KIRREL3: variants seen among roughly 807,000 people sequenced by gnomAD.
KIRREL3 encodes the protein kirre like nephrin family adhesion molecule 3.
A neutral mutation model predicts 89.7 loss-of-function variants in KIRREL3; 36 were observed. The observed-to-expected ratio is 0.40, with a 90% CI of 0.31 to 0.53. KIRREL3 has a LOEUF of 0.53. Among genes scored for constraint, KIRREL3 ranks in the 20% least tolerant of loss-of-function variants. The pLI is 0.49. For synonymous variants in KIRREL3, 445 were observed against 441.4 expected (o/e 1.01, Z -0.10); for missense variants, 864 against 1,056.6 (o/e 0.82, Z 2.53).
At chr11:126,784,413 T>A (rs2134338123) in intron 1 of KIRREL3, among the ~76,000 whole-genome samples, 1 of 152,296 alleles carries the variant, frequency 6.6e-6, no homozygotes, top group Admixed American at 6.5e-5. Flanking sequence ...AAAAGGGCAC[T>A]GCTAGAATAA....
chr11:126,636,904 T>A lies in KIRREL3; in HGVS notation c.56-73992A>T, dbSNP rs996580873. On this transcript the variant is annotated intron_variant, in intron 1 of 16. Transcript: ENST00000525144. The surrounding 1 kb of genome is among the most constrained non-coding windows in gnomAD (Gnocchi z 4.4). ...ACATCAATACAATGAAAGTAACACCTATATCATGGCATTACTGGAAGATAA... is the reference window on the plus strand; with the variant it reads ...ACATCAATACAATGAAAGTAACACCAATATCATGGCATTACTGGAAGATAA... Among the ~76,000 whole-genome samples the A allele has an allele frequency of 6.6e-5, 10 of 152,202 alleles. No individual in the cohort carries two copies. The highest frequency in any genetic ancestry group is 1.2e-4 in the Non-Finnish European group (8 of 68,032).
chr11:126,698,091 G>A (rs150807130), intron 1 of KIRREL3, among the ~76,000 whole-genome samples: 76 of 152,320 alleles, frequency 5.0e-4, no homozygotes, highest in Non-Finnish European at 8.4e-4. Flanking sequence ...TAAATGGAGC[G>A]CAGATGGGAG....
At chr11:126,880,566 CA>C (rs1164666172) in intron 1 of KIRREL3, among the ~76,000 whole-genome samples, 2 of 151,480 alleles carry the variant, frequency 1.3e-5, no homozygotes, top group Non-Finnish European at 2.9e-5. Context: ...AATATAAGAG[CA>C]AAAGGCCCTT....
In KIRREL3 at chr11:126,521,382, A is replaced by G. The variant is rs1312478045; in HGVS notation, c.366T>C (p.Asp122=). The G allele has an allele frequency of 1.3e-6, 2 of 1,563,178 alleles. No homozygotes were observed. Among genetic ancestry groups the G allele is most frequent in the African/African-American group, 1.4e-5 (1 of 73,628 alleles). ...GGATGGCCTGGCACTCGTACACCGC[A>G]TCGTCTTGCAGCTCTGCCCTCAGGA... ...LKILRAELQD[D]AVYECQAIQA... The change falls in exon 4 of 17, where the codon GAT becomes GAC. Residue 122 remains aspartate (D), a synonymous_variant. Coordinates refer to ENST00000525144, the MANE Select transcript of KIRREL3 (RefSeq NM_032531.4). The surrounding 1 kb of genome is among the most constrained non-coding windows in gnomAD (Gnocchi z 4.1).
chr11:126,902,159 C>T (rs1946398752), intron 1 of KIRREL3, among the ~76,000 whole-genome samples: 1 of 152,190 alleles, frequency 6.6e-6, no homozygotes, highest in African/African-American at 2.4e-5. Flanking sequence ...CATCCTGGAA[C>T]ATGCACAGGG....
chr11:126,661,253 C>T (rs572235004), intron 1 of KIRREL3, among the ~76,000 whole-genome samples: 3 of 138,432 alleles, frequency 2.2e-5, no homozygotes, highest in African/African-American at 8.1e-5. Context: ...GGTCATGCCT[C>T]ATGTGAGTTT....
At chr11:126,504,619 A>G (rs1164424805) in intron 4 of KIRREL3, among the ~76,000 whole-genome samples, 7 of 152,228 alleles carry the variant, frequency 4.6e-5, no homozygotes, top group Non-Finnish European at 8.8e-5. Flanking sequence ...GAAATCTTCT[A>G]GAAAATAGAG....
rs892066585 is a variant in KIRREL3, at chr11:126,931,648, C to T, written c.55+68807G>A. 6.6e-6 allele frequency among the ~76,000 whole-genome samples: 1 copy of T among 152,170 alleles called. No individual in the cohort carries two copies. The highest frequency in any genetic ancestry group is 1.5e-5 in the Non-Finnish European group (1 of 68,036). On this transcript the variant is annotated intron_variant, in intron 1 of 16. Transcript: ENST00000525144. This position sits in a 1 kb window ranked among gnomAD's most constrained non-coding sequence, Gnocchi z 5.1. ...AATGAGGATTCCAAGTCCTAGTTGTCTAAATAATTTAAATATGGAATAGTG... is the reference window on the plus strand; with the variant it reads ...AATGAGGATTCCAAGTCCTAGTTGTTTAAATAATTTAAATATGGAATAGTG...
At position 126,729,558 on chromosome 11, in the gene KIRREL3, C is replaced by T. The variant is rs1948528949; in HGVS notation, c.56-166646G>A. Among the ~76,000 whole-genome samples, 1 of 152,136 alleles carries T rather than the reference C, an allele frequency of 6.6e-6. No individual in the cohort carries two copies. The highest frequency in any genetic ancestry group is 2.1e-4 in the South Asian group (1 of 4,820). ...ACCTGCAATATGCCAGGGTACTGTC[C>T]CTGTAAACAATGAGGCTGGAAGGCA... On this transcript the variant is annotated intron_variant, in intron 1 of 16. Transcript: ENST00000525144. The surrounding 1 kb of genome is among the most constrained non-coding windows in gnomAD (Gnocchi z 4.5).
At chr11:126,757,902 T>C (rs1434457507) in intron 1 of KIRREL3, among the ~76,000 whole-genome samples, 1 of 152,156 alleles carries the variant, frequency 6.6e-6, no homozygotes, top group Non-Finnish European at 1.5e-5. Flanking sequence ...CAAAGGGAGC[T>C]GTCTCTAAAA....
At position 127,000,280 on chromosome 11, in the gene KIRREL3, C is replaced by T. The variant is rs1950284388; in HGVS notation, c.55+175G>A. 6.6e-6 allele frequency among the ~76,000 whole-genome samples: 1 copy of T among 152,156 alleles called. No individual in the cohort carries two copies. The highest frequency in any genetic ancestry group is 2.1e-4 in the South Asian group (1 of 4,826). ...CTTTCCAAAGGAAAATAAACAGTAC[C>T]ATTTTGTTGCATTCGCAAAGGCGAA... On this transcript the variant is annotated intron_variant, in intron 1 of 16. Transcript: ENST00000525144. The surrounding 1 kb of genome is among the most constrained non-coding windows in gnomAD (Gnocchi z 7.1).
chr11:126,809,040 G>T (rs1951294910), intron 1 of KIRREL3, among the ~76,000 whole-genome samples: 1 of 152,172 alleles, frequency 6.6e-6, no homozygotes, highest in Non-Finnish European at 1.5e-5. Flanking sequence ...CAAGGAGCCA[G>T]CCCTTGTGTA....
chr11:126,920,751 T>C (rs1565418360), intron 1 of KIRREL3, among the ~76,000 whole-genome samples: 1 of 152,188 alleles, frequency 6.6e-6, no homozygotes, highest in Non-Finnish European at 1.5e-5. Context: ...CCATGGTCCA[T>C]CACTTCAACC....
In KIRREL3 at chr11:126,703,498, T is replaced by A. The variant is rs1393960902; in HGVS notation, c.56-140586A>T. On this transcript the variant is annotated intron_variant, in intron 1 of 16. Coordinates refer to ENST00000525144, the MANE Select transcript of KIRREL3 (RefSeq NM_032531.4). This position sits in a 1 kb window ranked among gnomAD's most constrained non-coding sequence, Gnocchi z 4.6. Reference sequence around the variant, plus strand: ...CCACCCTATATCAGGTAAGTACTGTTATATCTCATCCCCATTTTATAAGTG... The same window carrying A: ...CCACCCTATATCAGGTAAGTACTGTAATATCTCATCCCCATTTTATAAGTG... Among the ~76,000 whole-genome samples the A allele has an allele frequency of 1.3e-5, 2 of 152,238 alleles. No homozygotes were observed. Among genetic ancestry groups the A allele is most frequent in the East Asian group, 3.8e-4 (2 of 5,200 alleles).
rs183355142 is a variant in KIRREL3 at position 126,860,266 on chromosome 11, T to G, written c.55+140189A>C. ...CACCACACTGTGAGCTCCCAGAGGG[T>G]AGGAACTGACACTTAAATGTGTAAT... On this transcript the variant is annotated intron_variant, in intron 1 of 16. Coordinates refer to ENST00000525144, the MANE Select transcript of KIRREL3 (RefSeq NM_032531.4). This position sits in a 1 kb window ranked among gnomAD's most constrained non-coding sequence, Gnocchi z 4.6. Among the ~76,000 whole-genome samples, 261 of 152,184 alleles carry G rather than the reference T, an allele frequency of 1.7e-3. 1 individual carries two copies. In the Middle Eastern group the frequency reaches 0.034, roughly 20 times the overall value.
rs1181178810 is a variant in KIRREL3 at position 126,641,045 on chromosome 11, C to G, written c.56-78133G>C. The stretch of plus-strand genomic sequence containing the variant: ...CAAATTTCACATGCTCCGAAAAGAA[C>G]TCCTGGTCTTCTCCCACAGGCCTGC... On this transcript the variant is annotated intron_variant, in intron 1 of 16. Transcript: ENST00000525144. This position sits in a 1 kb window ranked among gnomAD's most constrained non-coding sequence, Gnocchi z 5.0. Among the ~76,000 whole-genome samples the G allele has an allele frequency of 6.6e-6, 1 of 152,176 alleles. No homozygotes were observed. Among genetic ancestry groups the G allele is most frequent in the Non-Finnish European group, 1.5e-5 (1 of 68,026 alleles).
chr11:126,706,872 C>A (rs1947548980), intron 1 of KIRREL3, among the ~76,000 whole-genome samples: 1 of 151,318 alleles, frequency 6.6e-6, no homozygotes, highest in Non-Finnish European at 1.5e-5. Context: ...TCTTAGATGA[C>A]AAATGAAAGA....
intron 1 of KIRREL3, among the ~76,000 whole-genome samples, chr11:126,950,149 G>A (rs192353226): frequency 1.3e-5 from 2 of 152,256 alleles, no homozygotes; most frequent in South Asian, 2.1e-4. Context: ...CGAGGCAGGT[G>A]GATCATGAAG....
chr11:126,960,734 A>AT (rs373684901), intron 1 of KIRREL3, among the ~76,000 whole-genome samples: 18 of 151,050 alleles, frequency 1.2e-4, no homozygotes, highest in Admixed American at 5.9e-4. Context: ...TTATCAATGT[A>AT]TTTTTTTTTC....
Sources: gnomAD v4.1 joint callset for allele counts (sites outside exome capture counted in the v4.1 genomes callset) on GRCh38, gnomAD v4.1.1 for gene constraint, Gnocchi (gnomAD v3.1) non-coding constraint, MANE v1.5 for transcripts, NCBI Gene and HGNC (gene_info 2026-07-23, HGNC 2026-07-21) for gene names.